RYR2: variants seen among roughly 807,000 people sequenced by gnomAD.
RYR2 encodes cardiac muscle ryanodine receptor-calcium release channel.
A neutral mutation model predicts 601.1 loss-of-function variants in RYR2; 227 were observed. That is an observed-to-expected ratio of 0.38 (90% CI 0.34 to 0.42). The LOEUF (loss-of-function observed/expected upper bound fraction) is 0.42. RYR2 is among the 10% of genes least tolerant of loss of function. The pLI, the probability that RYR2 is intolerant of heterozygous loss-of-function variation, is 1.00. For synonymous variants in RYR2, 2,223 were observed against 2,175.1 expected (o/e 1.02, Z -0.61); for missense variants, 4,646 against 6,156.5 (o/e 0.75, Z 8.21).
intron 1 of RYR2, among the ~76,000 whole-genome samples, chr1:237,064,765 T>A (rs1311895231): frequency 6.6e-5 from 9 of 135,666 alleles, no homozygotes; most frequent in Non-Finnish European, 1.4e-4. Context: ...TTTTTTTTTT[T>A]TTTTTTTTTT....
chr1:237,776,290 G>A (rs79387075), intron 87 of RYR2, among the ~76,000 whole-genome samples: 3,303 of 152,178 alleles, frequency 0.022, 55 homozygotes, highest in African/African-American at 0.04. Flanking sequence ...AGGGATGAAG[G>A]AAACTATAAA....
At chr1:237,651,125 T>A (rs1682687524) in intron 50 of RYR2, among the ~76,000 whole-genome samples, 1 of 152,064 alleles carries the variant, frequency 6.6e-6, no homozygotes, top group African/African-American at 2.4e-5. Context: ...AACAGTGGAG[T>A]CTGCATTTGT....
chr1:237,790,813 TTG>T (rs1258306062), intron 92 of RYR2, among the ~76,000 whole-genome samples: 1 of 151,854 alleles, frequency 6.6e-6, no homozygotes, highest in East Asian at 1.9e-4. Flanking sequence ...GCCTCGGAGG[TTG>T]TAAACTGAAC....
chr1:237,390,454 CTAAA>C (rs1330578943), intron 10 of RYR2, among the ~76,000 whole-genome samples: 11 of 152,086 alleles, frequency 7.2e-5, no homozygotes, highest in Non-Finnish European at 1.3e-4. Flanking sequence ...ATTGAAAAGA[CTAAA>C]TAAGAAAATA....
chr1:237,700,516 C>G (rs1687876718), intron 65 of RYR2, 49 bp downstream of exon 65: 2 of 893,794 alleles, frequency 2.2e-6, no homozygotes, highest in Non-Finnish European at 3.5e-6. Context: ...TCGAAATACC[C>G]TGTAGTACAA....
chr1:237,107,237 C>T (rs1668782553), intron 1 of RYR2, among the ~76,000 whole-genome samples: 1 of 151,940 alleles, frequency 6.6e-6, no homozygotes, highest in African/African-American at 2.4e-5. Flanking sequence ...TACTATGAGC[C>T]CCACTTAGGA....
intron 17 of RYR2, among the ~76,000 whole-genome samples, chr1:237,486,036 A>G (rs1273194908): frequency 1.3e-5 from 2 of 152,150 alleles, no homozygotes; most frequent in African/African-American, 4.8e-5. Flanking sequence ...TAGGAGATAA[A>G]TTTGGACACA....
chr1:237,676,639 G>A (rs1457439075), intron 60 of RYR2, among the ~76,000 whole-genome samples: 5 of 152,098 alleles, frequency 3.3e-5, no homozygotes, highest in East Asian at 1.9e-4. Context: ...CATTGTTATC[G>A]CAAGTGAAAC....
At position 237,611,764 on chromosome 1, in the gene RYR2, T is replaced by C. The variant is rs530425212; in HGVS notation, c.4910+776T>C. Among the ~76,000 whole-genome samples the C allele has an allele frequency of 6.6e-5, 10 of 152,266 alleles. No homozygotes were observed. In the South Asian group the frequency reaches 2.1e-3, roughly 32 times the overall value. On this transcript the variant is annotated intron_variant, in intron 36 of 104. Transcript: ENST00000366574. ...ATGTTTTAAGTCTTTAATCTGAAAA[T>C]AATTATTGAAGCCAGGTCCATTTTT...
intron 34 of RYR2, 135 bp from the exon 35 acceptor site, chr1:237,601,890 C>G: frequency 1.6e-6 from 1 of 640,170 alleles, no homozygotes; most frequent in East Asian, 2.8e-5. Flanking sequence ...CTTGAAGGAG[C>G]ACATCAATCG....
intron 1 of RYR2, among the ~76,000 whole-genome samples, chr1:237,245,274 C>G (rs1686695062): frequency 6.6e-6 from 1 of 152,026 alleles, no homozygotes; most frequent in South Asian, 2.1e-4. Flanking sequence ...TGATCAGCCT[C>G]TTTGGAAGCC....
intron 1 of RYR2, among the ~76,000 whole-genome samples, chr1:237,177,744 A>C (rs1037311731): frequency 2.0e-5 from 3 of 152,198 alleles, no homozygotes; most frequent in Non-Finnish European, 4.4e-5. Context: ...TGCTATGAAC[A>C]ATCTTGTATG....
chr1:237,275,928 A>G (rs931585280), intron 2 of RYR2, among the ~76,000 whole-genome samples: 2 of 152,208 alleles, frequency 1.3e-5, no homozygotes, highest in African/African-American at 4.8e-5. Context: ...AGACTTTTCT[A>G]TCTGAAAATT....
At chr1:237,669,454 C>T (rs1161168874) in intron 58 of RYR2, among the ~76,000 whole-genome samples, 2 of 150,738 alleles carry the variant, frequency 1.3e-5, no homozygotes, top group South Asian at 2.1e-4. Flanking sequence ...TAGGGGCGGC[C>T]GGGCAGAGGC....
chr1:237,508,573 C>A (rs1212821790), intron 23 of RYR2, among the ~76,000 whole-genome samples: 3 of 151,726 alleles, frequency 2.0e-5, no homozygotes, highest in Non-Finnish European at 4.4e-5. Context: ...AGTAAGTTCA[C>A]CTAAGTGGTT....
At chr1:237,391,808 G>A (rs1702410998) in intron 10 of RYR2, among the ~76,000 whole-genome samples, 1 of 152,100 alleles carries the variant, frequency 6.6e-6, no homozygotes, top group Non-Finnish European at 1.5e-5. Context: ...AGAATGAAGA[G>A]CATATAGAGC....
At chr1:237,726,553 A>G (rs888208955) in intron 75 of RYR2, among the ~76,000 whole-genome samples, 23 of 152,074 alleles carry the variant, frequency 1.5e-4, no homozygotes, top group Admixed American at 9.8e-4. Flanking sequence ...GTGTTCACAA[A>G]GCGTTGTCTT....
At chr1:237,731,946 G>A (rs942676687) in intron 77 of RYR2, 100 bp from the exon 78 acceptor site, 14 of 650,458 alleles carry the variant, frequency 2.2e-5, no homozygotes, top group East Asian at 5.8e-5. Context: ...AGGAACGTTC[G>A]CATTCCTTTT....
intron 8 of RYR2, among the ~76,000 whole-genome samples, chr1:237,381,927 G>A (rs1486864902): frequency 6.6e-6 from 1 of 151,920 alleles, no homozygotes. Context: ...TTTGCTCATT[G>A]AAAATCTTAT....
Sources: allele counts gnomAD v4.1 joint callset (sites outside exome capture counted in the v4.1 genomes callset), GRCh38; gene constraint gnomAD v4.1.1; transcripts MANE v1.5; gene names NCBI Gene and HGNC (gene_info 2026-07-23, HGNC 2026-07-21).